CCSER1: variants seen among roughly 807,000 people sequenced by gnomAD.
CCSER1 encodes coiled-coil serine rich protein 1.
A neutral mutation model predicts 82.0 loss-of-function variants in CCSER1; 41 were observed. That is an observed-to-expected ratio of 0.50 (90% confidence interval 0.39 to 0.65). The LOEUF (loss-of-function observed/expected upper bound fraction) is 0.65. Ranked by LOEUF, CCSER1 falls within the 30% of genes least tolerant of loss-of-function variation. The pLI, the probability that CCSER1 is intolerant of heterozygous loss-of-function variation, is 0.00. For missense variants in CCSER1, 1,119 were observed against 1,064.2 expected, an observed-to-expected ratio of 1.05 and a Z score of -0.72; for synonymous variants, 414 against 383.9, an observed-to-expected ratio of 1.08 and a Z score of -0.92.
At chr4:90,155,762 T>C (rs570725667) in intron 1 of CCSER1, among the ~76,000 whole-genome samples, 293 of 152,198 alleles carry the variant, frequency 1.9e-3, no homozygotes, top group African/African-American at 6.8e-3. Context: ...TTCTTCTCTT[T>C]TTTCTTCTTT....
intron 5 of CCSER1, among the ~76,000 whole-genome samples, chr4:90,618,734 A>C (rs1721758837): frequency 1.3e-5 from 2 of 151,966 alleles, no homozygotes; most frequent in Admixed American, 6.6e-5. Flanking sequence ...TTTTCATAAT[A>C]AATGATGATT....
chr4:91,212,676 A>C (rs1370903312), intron 10 of CCSER1, among the ~76,000 whole-genome samples: 1 of 152,198 alleles, frequency 6.6e-6, no homozygotes, highest in African/African-American at 2.4e-5. Context: ...ATGAGCTTTT[A>C]AATTAACCCA....
chr4:90,883,718 C>A (rs532614001), intron 8 of CCSER1, among the ~76,000 whole-genome samples: 3 of 152,116 alleles, frequency 2.0e-5, no homozygotes, highest in African/African-American at 2.4e-5. Context: ...ATTCTGTCAC[C>A]GTGAGGTGCT....
chr4:91,133,129 T>C (rs1243256374), intron 10 of CCSER1, among the ~76,000 whole-genome samples: 3 of 152,218 alleles, frequency 2.0e-5, no homozygotes, highest in Non-Finnish European at 4.4e-5. Context: ...GTTCTTTTCC[T>C]TGTCTTTTAT....
intron 1 of CCSER1, among the ~76,000 whole-genome samples, chr4:90,225,395 C>G (rs1021509131): frequency 6.6e-6 from 1 of 151,832 alleles, no homozygotes; most frequent in African/African-American, 2.4e-5. Flanking sequence ...TTTCTGTTAC[C>G]TATTCTAAAG....
chr4:91,398,673 A>G (rs1261284007), intron 10 of CCSER1, among the ~76,000 whole-genome samples: 1 of 151,902 alleles, frequency 6.6e-6, no homozygotes, highest in Non-Finnish European at 1.5e-5. Flanking sequence ...AGACAATTAC[A>G]TGATATGATA....
chr4:91,600,326 CAATTG>C lies in CCSER1; in HGVS notation c.*1273_*1277del, dbSNP rs1315071286. 3 of 152,030 alleles carry C rather than the reference CAATTG, an allele frequency of 2.0e-5. No individual in the cohort carries two copies. Among genetic ancestry groups the C allele is most frequent in the Non-Finnish European group, 4.4e-5 (3 of 67,982 alleles). 9.4% of individuals were successfully genotyped at this position (152,030 alleles called of 1,614,324 possible). On this transcript the variant is annotated 3_prime_UTR_variant, in exon 11 of 11. Transcript: ENST00000509176. Reference sequence around the variant, plus strand: ...AGTAGCAGAGCAGAATCAAAGAGTACAATTGAATACATAAATAAATAATTTTTAAA... The same window carrying C: ...AGTAGCAGAGCAGAATCAAAGAGTACAATACATAAATAAATAATTTTTAAA...
intron 1 of CCSER1, among the ~76,000 whole-genome samples, chr4:90,304,647 G>C (rs1233810764): frequency 6.6e-6 from 1 of 152,064 alleles, no homozygotes; most frequent in South Asian, 2.1e-4. Flanking sequence ...GGGGACTGTT[G>C]TGGGGTGGGG....
intron 1 of CCSER1, among the ~76,000 whole-genome samples, chr4:90,161,790 A>T (rs956441327): frequency 6.6e-6 from 1 of 152,154 alleles, no homozygotes; most frequent in African/African-American, 2.4e-5. Context: ...AAATGTAAAA[A>T]TTCTCATATT....
intron 3 of CCSER1, among the ~76,000 whole-genome samples, chr4:90,315,811 C>T (rs2126283): frequency 0.27 from 41,466 of 152,086 alleles, 6,021 homozygotes; most frequent in African/African-American, 0.36. Flanking sequence ...GCAGTTACTT[C>T]ACACTTAATT....
At chr4:90,919,113 A>G (rs72665423) in intron 8 of CCSER1, among the ~76,000 whole-genome samples, 36,238 of 139,484 alleles carry the variant, frequency 0.26, 4,802 homozygotes, top group Non-Finnish European at 0.3. Flanking sequence ...AAAAAAAAAA[A>G]GGACTTAGTA....
chr4:91,507,025 A>G (rs778925556), intron 10 of CCSER1, among the ~76,000 whole-genome samples: 27 of 152,192 alleles, frequency 1.8e-4, no homozygotes, highest in Admixed American at 7.2e-4. Flanking sequence ...TTTATGTATC[A>G]TTACTCAGTT....
intron 3 of CCSER1, among the ~76,000 whole-genome samples, chr4:90,393,596 T>A (rs948557259): frequency 6.6e-6 from 1 of 152,144 alleles, no homozygotes; most frequent in African/African-American, 2.4e-5. Flanking sequence ...CCCTTAGATA[T>A]TTTAGGCCTG....
intron 8 of CCSER1, among the ~76,000 whole-genome samples, chr4:90,915,087 C>A (rs1446912518): frequency 6.6e-6 from 1 of 152,166 alleles, no homozygotes; most frequent in Non-Finnish European, 1.5e-5. Flanking sequence ...ACCAGAGGTA[C>A]AAGGAGGAGC....
chr4:90,807,008 T>C (rs887918217), intron 7 of CCSER1, among the ~76,000 whole-genome samples: 4 of 152,160 alleles, frequency 2.6e-5, no homozygotes, highest in African/African-American at 7.2e-5. Context: ...TGACATATTA[T>C]GCAAGACTTT....
intron 7 of CCSER1, among the ~76,000 whole-genome samples, chr4:90,742,537 A>G (rs1255596430): frequency 6.6e-6 from 1 of 152,160 alleles, no homozygotes; most frequent in Non-Finnish European, 1.5e-5. Context: ...CTCAGAGGGA[A>G]GATTGCTGTC....
At chr4:90,946,872 A>G (rs1732313036) in intron 9 of CCSER1, among the ~76,000 whole-genome samples, 1 of 152,150 alleles carries the variant, frequency 6.6e-6, no homozygotes, top group Non-Finnish European at 1.5e-5. Flanking sequence ...ACAATTCCCA[A>G]ATATTAGAAG....
At chr4:91,422,433 C>G (rs1753732378) in intron 10 of CCSER1, among the ~76,000 whole-genome samples, 1 of 152,120 alleles carries the variant, frequency 6.6e-6, no homozygotes, top group Non-Finnish European at 1.5e-5. Flanking sequence ...ACACTTACTG[C>G]ATTTTGTGTT....
rs1477826019 is a variant in CCSER1 at position 91,582,624 on chromosome 4, ACTAT to A, written c.2218-15943_2218-15940del. On this transcript the variant is annotated intron_variant, in intron 10 of 10. Coordinates refer to ENST00000509176, the MANE Select transcript of CCSER1 (RefSeq NM_001145065.2). ...TATCCACTAGGGATAGGTCATATTG[ACTAT>A]CTATTTAGGTTGGTGCAAAAGTAAT... Among the ~76,000 whole-genome samples, 16 of 151,616 alleles carry A rather than the reference ACTAT, an allele frequency of 1.1e-4. No individual in the cohort carries two copies. In the East Asian group the frequency reaches 1.4e-3, roughly 13 times the overall value.
Sources: allele counts gnomAD v4.1 joint callset (sites outside exome capture counted in the v4.1 genomes callset), GRCh38; gene constraint gnomAD v4.1.1; transcripts MANE v1.5; gene names NCBI Gene and HGNC (gene_info 2026-07-23, HGNC 2026-07-21).